Variants in LRFN1 observed in about 807,000 individuals in gnomAD.
LRFN1 encodes the protein leucine-rich repeat and fibronectin type III domain-containing protein 1.
In LRFN1, 20 loss-of-function variants were observed where a neutral mutation model predicts 31.8. The ratio of observed to expected loss-of-function variants is 0.63; its 90% confidence interval spans 0.44 to 0.91. The LOEUF is 0.91. LRFN1 is among the 40% of genes least tolerant of loss of function. The pLI is 0.00. For missense variants in LRFN1, 912 were observed against 1,129.8 expected, an observed-to-expected ratio of 0.81 and a Z score of 2.76; for synonymous variants, 514 against 541.3, an observed-to-expected ratio of 0.95 and a Z score of 0.70.
Position 39,307,768 on chromosome 19 carries a change from C to T in LRFN1, c.2181G>A (p.Lys727=). Residue 727 remains lysine (K), a synonymous_variant, in exon 5 of 5, where the codon AAG becomes AAA. Transcript: ENST00000248668. This position sits in a 1 kb window ranked among gnomAD's most constrained non-coding sequence, Gnocchi z 6.7. ...HSYPRRARRT[K]RHRSTPHLDG... is the part of the protein sequence containing the mutation. ...CCAGGTGCGGCGTGGACCGGTGGCG[C>T]TTTGTCCGCCGGGCGCGGCGCGGGT... 1 of 1,489,340 alleles carries T rather than the reference C, an allele frequency of 6.7e-7. No individual in the cohort carries two copies. Among genetic ancestry groups the T allele is most frequent in the Non-Finnish European group, 8.9e-7 (1 of 1,128,704 alleles). The allele number at this position is 1,489,340 out of a possible 1,614,324, so 92.3% of individuals were successfully genotyped here.
rs756774046 is a variant in LRFN1, at chr19:39,315,249, G to A, written c.88C>T (p.Arg30Cys). ...CAGCGGCCGGGGCAGGGCTGGCCAC[G>A]AGATGCCCCCGCCCAGAGCAGCAGC... ...FLLLLWAGAS[R>C]GQPCPGRCIC... The change falls in exon 4 of 5, where the codon CGT (arginine) becomes TGT (cysteine). Residue 30 changes from arginine to cysteine, a missense_variant. Physicochemically the swap from Arg to Cys is radical, Grantham distance 180. Around this residue, in one of 2 missense-constraint regions of LRFN1, gnomAD observed 401 missense variants for 572.7 expected, o/e 0.70. Transcript: ENST00000248668. This position sits in a 1 kb window ranked among gnomAD's most constrained non-coding sequence, Gnocchi z 4.7. 2.1e-5 allele frequency: 32 copies of A among 1,549,036 alleles called. No homozygotes were observed. Among genetic ancestry groups the A allele is most frequent in the Middle Eastern group, 1.7e-4 (1 of 5,882 alleles).
Position 39,315,085 on chromosome 19 carries a change from G to A in LRFN1, c.252C>T (p.Asp84=), listed in dbSNP as rs1247005581. The A allele has an allele frequency of 1.9e-6, 3 of 1,595,710 alleles. No homozygotes were observed. In the African/African-American group the frequency reaches 4.0e-5, roughly 21 times the overall value. ...GCACCAGGCTGGTCATGTTGGCGAA[G>A]TCTCGGCGGCGCACGGCGGCGATGA... ...DNFIAAVRRR[D]FANMTSLVHL... The change falls in exon 4 of 5, where the codon GAC becomes GAT. Residue 84 remains aspartate, a synonymous_variant. Coordinates refer to ENST00000248668, the MANE Select transcript of LRFN1 (RefSeq NM_020862.2). This position sits in a 1 kb window ranked among gnomAD's most constrained non-coding sequence, Gnocchi z 4.7.
At position 39,314,221 on chromosome 19, in the gene LRFN1, G is replaced by A; in HGVS notation, c.1116C>T (p.Ala372=). 1.9e-6 allele frequency: 3 copies of A among 1,613,350 alleles called. No individual in the cohort carries two copies. Among genetic ancestry groups the A allele is most frequent in the Non-Finnish European group, 2.5e-6 (3 of 1,179,706 alleles). ...LRDSGTFTCI[A]SNAAGEATAP... The stretch of plus-strand genomic sequence containing the variant: ...CCGTCGCTTCCCCAGCAGCATTGGA[G>A]GCGATACAAGTGAAGGTGCCACTGT... Residue 372 remains alanine, a synonymous_variant, in exon 4 of 5, where the codon GCC becomes GCT. Coordinates refer to ENST00000248668, the MANE Select transcript of LRFN1 (RefSeq NM_020862.2).
intron 1 of LRFN1, among the ~76,000 whole-genome samples, chr19:39,320,032 C>G (rs1393268431): frequency 6.7e-6 from 1 of 149,690 alleles, no homozygotes; most frequent in Non-Finnish European, 1.5e-5. Flanking sequence ...CAACCCCCAC[C>G]TCAGGGCCCA....
rs2075160260 is a variant in LRFN1, at chr19:39,313,974, G to A, written c.1363C>T (p.Gln455Ter). The A allele has an allele frequency of 6.2e-7, 1 of 1,606,430 alleles. No individual in the cohort carries two copies. The highest frequency in any genetic ancestry group is 8.5e-7 in the Non-Finnish European group (1 of 1,176,986). The change falls in exon 4 of 5, where the codon CAG becomes TAG. Residue 455 changes from glutamine to a stop codon, truncating the protein, a stop_gained. Coordinates refer to ENST00000248668, the MANE Select transcript of LRFN1 (RefSeq NM_020862.2). LOFTEE classifies it high-confidence loss of function. ...QRPVPGIRMY[Q>*]VQYNSSVDDS... ...TCAACGGAACTGTTGTACTGAACCT[G>A]GTACATGCGTATTCCGGGCACAGGC...
At chr19:39,309,177 C>T (rs1019913049) in intron 4 of LRFN1, among the ~76,000 whole-genome samples, 2 of 152,254 alleles carry the variant, frequency 1.3e-5, no homozygotes, top group African/African-American at 2.4e-5. Flanking sequence ...TAGCTTTGGC[C>T]GGCTGCAGTG....
chr19:39,315,478 C>T lies in LRFN1; in HGVS notation c.-37-105G>A, dbSNP rs1246079203. 2.8e-6 allele frequency: 2 copies of T among 726,920 alleles called. No homozygotes were observed. The highest frequency in any genetic ancestry group is 4.3e-6 in the Non-Finnish European group (2 of 466,072). The allele number at this position is 726,920 out of a possible 1,614,324, so 45.0% of individuals were successfully genotyped here. On this transcript the variant is annotated intron_variant, in intron 3 of 4. Coordinates refer to ENST00000248668, the MANE Select transcript of LRFN1 (RefSeq NM_020862.2). This position sits in a 1 kb window ranked among gnomAD's most constrained non-coding sequence, Gnocchi z 4.7. ...CTCCCCTACCGCCTACAGCTGGGTT[C>T]CATAGGATGGTGAGAGGAAGCCACT... is the stretch of plus-strand genomic sequence containing the variant.
chr19:39,315,504 A>G lies in LRFN1; in HGVS notation c.-37-131T>C. The G allele has an allele frequency of 1.7e-6, 1 of 592,016 alleles. No individual in the cohort carries two copies. Among genetic ancestry groups the G allele is most frequent in the Non-Finnish European group, 2.9e-6 (1 of 346,224 alleles). The allele number at this position is 592,016 out of a possible 1,614,324, so 36.7% of individuals were successfully genotyped here. On this transcript the variant is annotated intron_variant, in intron 3 of 4. Coordinates refer to ENST00000248668, the MANE Select transcript of LRFN1 (RefSeq NM_020862.2). This position sits in a 1 kb window ranked among gnomAD's most constrained non-coding sequence, Gnocchi z 4.7. ...CATAGGATGGTGAGAGGAAGCCACT[A>G]TCAGCTATTAACAACAGATTACAAC...
rs942723616 is a variant in LRFN1, at chr19:39,308,823, C to T, written c.1407-281G>A. Among the ~76,000 whole-genome samples, 4 of 152,194 alleles carry T rather than the reference C, an allele frequency of 2.6e-5. No individual in the cohort carries two copies. Among genetic ancestry groups the T allele is most frequent in the African/African-American group, 9.7e-5 (4 of 41,448 alleles). On this transcript the variant is annotated intron_variant, in intron 4 of 4. Transcript: ENST00000248668. This position sits in a 1 kb window ranked among gnomAD's most constrained non-coding sequence, Gnocchi z 6.2. The stretch of plus-strand genomic sequence containing the variant: ...TTCGTATTACCTCCTCTGCATATCC[C>T]GGCCCCTGCAGGGGAGAAGTGCTAT...
At position 39,307,323 on chromosome 19, in the gene LRFN1, C is replaced by T. The variant is rs76684359; in HGVS notation, c.*310G>A. ...TGCAGTGTCAGGGGGCCCTGCCCCT[C>T]CCCGCGCTTCGCTGTGTAAGGCACC... On this transcript the variant is annotated 3_prime_UTR_variant, in exon 5 of 5. Transcript: ENST00000248668. The surrounding 1 kb of genome is among the most constrained non-coding windows in gnomAD (Gnocchi z 6.7). 2.5e-6 allele frequency: 1 copy of T among 400,628 alleles called. No individual in the cohort carries two copies. The allele number at this position is 400,628 out of a possible 1,614,324, so 24.8% of individuals were successfully genotyped here. A position where few individuals can be genotyped will look rare whatever the true frequency, so the allele number is the denominator to read the frequency against.
intron 1 of LRFN1, among the ~76,000 whole-genome samples, chr19:39,320,170 T>G (rs933294234): frequency 2.8e-5 from 4 of 142,470 alleles, no homozygotes; most frequent in Middle Eastern, 3.7e-3. Context: ...GACCCCCCAG[T>G]TGACATGGAC....
Position 39,314,793 on chromosome 19 carries a change from C to T in LRFN1, c.544G>A (p.Val182Met). 1 of 1,613,106 alleles carries T rather than the reference C, an allele frequency of 6.2e-7. No homozygotes were observed. The highest frequency in any genetic ancestry group is 8.5e-7 in the Non-Finnish European group (1 of 1,179,550). Residue 182 changes from valine (V) to methionine (M), a missense_variant, in exon 4 of 5, where the codon GTG becomes ATG. Transcript: ENST00000248668. ...GTGTTTAGGTTCACCATCTGGCCCACCGCCTCCCACGGCAGGGCCTCCAGG... is the reference window on the plus strand; with the variant it reads ...GTGTTTAGGTTCACCATCTGGCCCATCGCCTCCCACGGCAGGGCCTCCAGG... ...NNLEALPWEAVGQMVNLNTLT... is the reference protein window; with the variant it reads ...NNLEALPWEAMGQMVNLNTLT...
intron 4 of LRFN1, 43 bp downstream of exon 4, chr19:39,313,888 T>C (rs888926203): frequency 4.6e-6 from 7 of 1,537,152 alleles, no homozygotes; most frequent in Non-Finnish European, 6.1e-6. Flanking sequence ...AGGGTCCCCC[T>C]GGGCTTGGGA....
rs948564903 is a variant in LRFN1, at chr19:39,308,099, G to C, written c.1850C>G (p.Pro617Arg). The C allele has an allele frequency of 3.3e-6, 5 of 1,495,980 alleles. No homozygotes were observed. Among genetic ancestry groups the C allele is most frequent in the East Asian group, 2.4e-5 (1 of 42,192 alleles). The allele number at this position is 1,495,980 out of a possible 1,614,324, so 92.7% of individuals were successfully genotyped here. A position where few individuals can be genotyped will look rare whatever the true frequency, so the allele number is the denominator to read the frequency against. Reference protein sequence around the residue: ...ALREVESQAAPAVAVEAKAME... With the variant: ...ALREVESQAARAVAVEAKAME... The stretch of plus-strand genomic sequence containing the variant: ...GGCCTTGGCCTCGACGGCGACGGCG[G>C]GGGCAGCCTGGGACTCCACCTCGCG... The change falls in exon 5 of 5, where the codon CCC (proline) becomes CGC (arginine). Residue 617 changes from proline (P) to arginine (R), a missense_variant. Pro to Arg is a moderately radical substitution (Grantham distance 103). Coordinates refer to ENST00000248668, the MANE Select transcript of LRFN1 (RefSeq NM_020862.2). This position sits in a 1 kb window ranked among gnomAD's most constrained non-coding sequence, Gnocchi z 6.2.
chr19:39,311,028 T>C (rs1340163821), intron 4 of LRFN1, among the ~76,000 whole-genome samples: 1 of 152,126 alleles, frequency 6.6e-6, no homozygotes, highest in Non-Finnish European at 1.5e-5. Flanking sequence ...CCTCTCTTCA[T>C]CTCTCCTCTC....
chr19:39,315,252 A>G lies in LRFN1; in HGVS notation c.85T>C (p.Ser29Pro), dbSNP rs1468034504. 1 of 1,545,260 alleles carries G rather than the reference A, an allele frequency of 6.5e-7. No homozygotes were observed. The highest frequency in any genetic ancestry group is 8.7e-7 in the Non-Finnish European group (1 of 1,151,366). The change falls in exon 4 of 5, where the codon TCT becomes CCT. Residue 29 changes from serine (S) to proline (P), a missense_variant. Around this residue, in one of 2 missense-constraint regions of LRFN1, gnomAD observed 401 missense variants for 572.7 expected, o/e 0.70. Transcript: ENST00000248668. The surrounding 1 kb of genome is among the most constrained non-coding windows in gnomAD (Gnocchi z 4.7). ...PFLLLLWAGA[S>P]RGQPCPGRCI... ...CGGCCGGGGCAGGGCTGGCCACGAG[A>G]TGCCCCCGCCCAGAGCAGCAGCAGA...
chr19:39,320,188 G>C (rs1256321453), intron 1 of LRFN1, among the ~76,000 whole-genome samples: 1 of 150,834 alleles, frequency 6.6e-6, no homozygotes, highest in Non-Finnish European at 1.5e-5. Flanking sequence ...GACCGAGGGA[G>C]CGGCGAACTC....
intron 4 of LRFN1, among the ~76,000 whole-genome samples, chr19:39,313,513 T>C (rs532970672): frequency 1.3e-5 from 2 of 152,270 alleles, no homozygotes; most frequent in Non-Finnish European, 2.9e-5. Flanking sequence ...GCCTGGGCAA[T>C]AGAGTAAGGC....
rs1399253260 is a variant in LRFN1, at chr19:39,314,487, G to A, written c.850C>T (p.Arg284Cys). ...TCATPEHLTD[R>C]YFWSIPEEEF... ...TCCTCGGGGATGGACCAGAAGTAGC[G>A]GTCGGTGAGGTGTTCGGGCGTGGCG... The change falls in exon 4 of 5, where the codon CGC (arginine) becomes TGC (cysteine). Residue 284 changes from arginine to cysteine, a missense_variant. Physicochemically the swap from Arg to Cys is radical, Grantham distance 180. This residue lies in a region of LRFN1 where 401 missense variants were observed against 572.7 expected (regional missense o/e 0.70). Transcript: ENST00000248668. 1.2e-6 allele frequency: 2 copies of A among 1,610,538 alleles called. No individual in the cohort carries two copies. The highest frequency in any genetic ancestry group is 8.5e-7 in the Non-Finnish European group (1 of 1,179,186).
Sources: allele counts gnomAD v4.1 joint callset (sites outside exome capture counted in the v4.1 genomes callset), GRCh38; gene constraint gnomAD v4.1.1; regional missense constraint gnomAD v4.1.1; non-coding constraint Gnocchi (gnomAD v3.1); transcripts MANE v1.5; gene names NCBI Gene and HGNC (gene_info 2026-07-23, HGNC 2026-07-21).